The following HS3ST4 variants were observed in gnomAD, a reference collection of about 807,000 sequenced individuals.
The protein encoded by HS3ST4 is heparan sulfate glucosamine 3-O-sulfotransferase 4.
In HS3ST4, 17 loss-of-function variants were observed where a neutral mutation model predicts 29.2. The ratio of observed to expected loss-of-function variants is 0.58; its 90% CI spans 0.40 to 0.87. The LOEUF is 0.87. HS3ST4 is among the 40% of genes least tolerant of loss of function. The probability of loss-of-function intolerance (pLI) is 0.00; values close to 1 mark genes in which losing one functional copy is unlikely to be tolerated. For synonymous variants in HS3ST4, 314 were observed against 285.7 expected (o/e 1.10, Z -1.00); for missense variants, 627 against 634.5 (o/e 0.99, Z 0.13).
chr16:25,841,834 A>G (rs1967416410), intron 1 of HS3ST4, among the ~76,000 whole-genome samples: 1 of 152,194 alleles, frequency 6.6e-6, no homozygotes, highest in African/African-American at 2.4e-5. Context: ...TGTAACTGTC[A>G]TTATGGTCTT....
chr16:26,071,972 A>G (rs1215170092), intron 1 of HS3ST4, among the ~76,000 whole-genome samples: 1 of 152,156 alleles, frequency 6.6e-6, no homozygotes, highest in Non-Finnish European at 1.5e-5. Flanking sequence ...TGACTCTCCC[A>G]TCTTCTCCTC....
chr16:25,758,220 T>A (rs760889073), intron 1 of HS3ST4, among the ~76,000 whole-genome samples: 1 of 152,182 alleles, frequency 6.6e-6, no homozygotes, highest in Non-Finnish European at 1.5e-5. Flanking sequence ...TTAAACAATG[T>A]CTTTGCTCTA....
chr16:25,875,426 T>C (rs796510197), intron 1 of HS3ST4, among the ~76,000 whole-genome samples: 2 of 152,302 alleles, frequency 1.3e-5, no homozygotes, highest in African/African-American at 4.8e-5. Context: ...AAGTCTGTGC[T>C]GACTCTGTAG....
At position 25,839,420 on chromosome 16, in the gene HS3ST4, T is replaced by A. The variant is rs189651281; in HGVS notation, c.734+146269T>A. Reference sequence around the variant, plus strand: ...ATTGGATCTTCCCTTCCTCCATTTTTGTTTTAGAATATTCCCATAATTTTC... The same window carrying A: ...ATTGGATCTTCCCTTCCTCCATTTTAGTTTTAGAATATTCCCATAATTTTC... On this transcript the variant is annotated intron_variant, in intron 1 of 1. Coordinates refer to ENST00000331351, the MANE Select transcript of HS3ST4 (RefSeq NM_006040.3). 2.6e-5 allele frequency among the ~76,000 whole-genome samples: 4 copies of A among 152,336 alleles called. No homozygotes were observed. The East Asian group carries it at 7.7e-4, about 29-fold the overall frequency.
At chr16:25,763,190 A>G (rs958554355) in intron 1 of HS3ST4, among the ~76,000 whole-genome samples, 4 of 152,116 alleles carry the variant, frequency 2.6e-5, no homozygotes, top group African/African-American at 9.7e-5. Flanking sequence ...AGGTCATGTG[A>G]GGTCTAAGAG....
At chr16:25,919,420 A>T (rs996349970) in intron 1 of HS3ST4, among the ~76,000 whole-genome samples, 1 of 152,206 alleles carries the variant, frequency 6.6e-6, no homozygotes, top group Non-Finnish European at 1.5e-5. Flanking sequence ...TCCTCTTTGG[A>T]TATGTCAAAT....
chr16:26,007,855 TC>T (rs1969272000), intron 1 of HS3ST4, among the ~76,000 whole-genome samples: 2 of 150,816 alleles, frequency 1.3e-5, no homozygotes, highest in Non-Finnish European at 1.5e-5. Flanking sequence ...CCACCACCTA[TC>T]CCCCTACAAT....
chr16:25,966,577 G>A (rs1400284887), intron 1 of HS3ST4, among the ~76,000 whole-genome samples: 1 of 152,100 alleles, frequency 6.6e-6, no homozygotes, highest in African/African-American at 2.4e-5. Flanking sequence ...CCAGCAGCTG[G>A]GGCAGACTGA....
At chr16:25,787,242 G>A (rs1185752451) in intron 1 of HS3ST4, among the ~76,000 whole-genome samples, 2 of 152,208 alleles carry the variant, frequency 1.3e-5, no homozygotes, top group Non-Finnish European at 2.9e-5. Flanking sequence ...AAAAATGCTG[G>A]TTATTTGGGG....
At chr16:26,056,030 AAGAGAGAGAC>A (rs1191711481) in intron 1 of HS3ST4, among the ~76,000 whole-genome samples, 1 of 103,338 alleles carries the variant, frequency 9.7e-6, no homozygotes, top group Admixed American at 1.3e-4. Context: ...TTGCATGAGA[AAGAGAGAGAC>A]AGAGAGAGAG....
chr16:25,735,691 C>T (rs1331204806), intron 1 of HS3ST4, among the ~76,000 whole-genome samples: 1 of 152,098 alleles, frequency 6.6e-6, no homozygotes, highest in Non-Finnish European at 1.5e-5. Context: ...CATGCCCAGC[C>T]CAGGTATACT....
intron 1 of HS3ST4, among the ~76,000 whole-genome samples, chr16:25,783,945 G>A (rs1966854980): frequency 6.6e-6 from 1 of 152,170 alleles, no homozygotes; most frequent in South Asian, 2.1e-4. Flanking sequence ...GGTTTCTGGC[G>A]ACTGCATTAA....
chr16:26,010,487 A>G (rs9930254), intron 1 of HS3ST4, among the ~76,000 whole-genome samples: 13 of 151,886 alleles, frequency 8.6e-5, no homozygotes, highest in African/African-American at 2.9e-4. Context: ...GAAAAAAAAA[A>G]TGAAAATGTA....
chr16:25,709,155 C>A (rs1258799628), intron 1 of HS3ST4, among the ~76,000 whole-genome samples: 1 of 150,834 alleles, frequency 6.6e-6, no homozygotes, highest in African/African-American at 2.4e-5. Context: ...GATTCTCTGT[C>A]GCCGCTCAGA....
intron 1 of HS3ST4, among the ~76,000 whole-genome samples, chr16:25,701,393 T>C (rs1403114408): frequency 6.6e-6 from 1 of 152,024 alleles, no homozygotes; most frequent in African/African-American, 2.4e-5. Context: ...AGAAGCAGGG[T>C]TCTCTATTCT....
chr16:26,037,100 G>T (rs1301963542), intron 1 of HS3ST4, among the ~76,000 whole-genome samples: 2 of 152,188 alleles, frequency 1.3e-5, no homozygotes, highest in Non-Finnish European at 2.9e-5. Context: ...AAAAGGCAAT[G>T]ATCTAAGCTC....
At chr16:25,955,204 C>G (rs1968718336) in intron 1 of HS3ST4, among the ~76,000 whole-genome samples, 1 of 152,132 alleles carries the variant, frequency 6.6e-6, no homozygotes. Flanking sequence ...CCCTGGACCT[C>G]TGGTGCAGTG....
chr16:26,076,033 C>T (rs566627738), intron 1 of HS3ST4, among the ~76,000 whole-genome samples: 1 of 152,292 alleles, frequency 6.6e-6, no homozygotes, highest in East Asian at 1.9e-4. Flanking sequence ...TCAACCTTCA[C>T]CACTAGTCAG....
intron 1 of HS3ST4, among the ~76,000 whole-genome samples, chr16:26,042,751 CTT>C (rs763473839): frequency 3.6e-5 from 5 of 137,282 alleles, no homozygotes; most frequent in Non-Finnish European, 8.2e-5. Flanking sequence ...TGCAGTGTGA[CTT>C]TTTGTTCTCT....
Sources: allele counts gnomAD v4.1 joint callset (sites outside exome capture counted in the v4.1 genomes callset), GRCh38; gene constraint gnomAD v4.1.1; transcripts MANE v1.5; gene names NCBI Gene and HGNC (gene_info 2026-07-23, HGNC 2026-07-21).